HMCN2: variants seen among roughly 807,000 people sequenced by gnomAD.
HMCN2 encodes the protein hemicentin-2.
HMCN2 carries 325 observed loss-of-function variants against 377.5 expected under a neutral mutation model. The ratio of observed to expected loss-of-function variants is 0.86; its 90% CI spans 0.79 to 0.94. The LOEUF is 0.94. Among genes scored for constraint, HMCN2 ranks in the 40% least tolerant of loss-of-function variants. The pLI, the probability that HMCN2 is intolerant of heterozygous loss-of-function variation, is 0.00. For missense variants in HMCN2, 4,543 were observed against 4,725.3 expected (o/e 0.96, Z 1.13); for synonymous variants, 2,007 against 2,046.8 (o/e 0.98, Z 0.53).
At chr9:130,341,697 G>A (rs1166062534) in intron 24 of HMCN2, among the ~76,000 whole-genome samples, 1 of 152,148 alleles carries the variant, frequency 6.6e-6, no homozygotes, top group African/African-American at 2.4e-5. Context: ...ACCAGGGAGT[G>A]GCACTGGACC....
chr9:130,368,403 G>A lies in HMCN2; in HGVS notation c.6753G>A (p.Gly2251=), dbSNP rs368372779. The change falls in exon 44 of 98, where the codon GGG becomes GGA. Residue 2251 remains glycine, a synonymous_variant. Transcript: ENST00000683500. ...CCTGTGAATGCAGCAACGTGGTGGG[G>A]AACAGCAGCCAGGACCTGCAGCTGG... is the stretch of plus-strand genomic sequence containing the variant. ...TYTCECSNVV[G]NSSQDLQLEV... 1.0e-6 allele frequency: 1 copy of A among 986,278 alleles called. No individual in the cohort carries two copies. The highest frequency in any genetic ancestry group is 1.7e-5 in the African/African-American group (1 of 57,364). 61.1% of individuals were successfully genotyped at this position (986,278 alleles called of 1,614,324 possible).
At chr9:130,433,269 G>A in intron 97 of HMCN2, 79 bp from the exon 98 acceptor site, 5 of 1,141,074 alleles carry the variant, frequency 4.4e-6, no homozygotes, top group Non-Finnish European at 5.8e-6. Flanking sequence ...GGCTGGCAGG[G>A]AGGTCTGAGT....
Position 130,337,764 on chromosome 9 carries a change from G to A in HMCN2, c.3360-130G>A, listed in dbSNP as rs1354941092. 18 of 151,266 alleles carry A rather than the reference G, an allele frequency of 1.2e-4. 1 individual carries two copies. The highest frequency in any genetic ancestry group is 3.3e-4 in the Admixed American group (5 of 15,118). The allele number at this position is 151,266 out of a possible 1,614,324, so 9.4% of individuals were successfully genotyped here. A position where few individuals can be genotyped will look rare whatever the true frequency, so the allele number is the denominator to read the frequency against. On this transcript the variant is annotated intron_variant, in intron 22 of 97. Coordinates refer to ENST00000683500, the MANE Select transcript of HMCN2 (RefSeq NM_001291815.2). Reference sequence around the variant, plus strand: ...CAGGGAGGATGGAGGCGGGGGTGGGGGTAGATGGTGGGTGCTGGCTCATTC... The same window carrying A: ...CAGGGAGGATGGAGGCGGGGGTGGGAGTAGATGGTGGGTGCTGGCTCATTC...
At chr9:130,266,845 C>A (rs1273867155) in intron 1 of HMCN2, among the ~76,000 whole-genome samples, 1 of 152,206 alleles carries the variant, frequency 6.6e-6, no homozygotes, top group African/African-American at 2.4e-5. Context: ...TTAGGGGCGC[C>A]CTTGAAAGGG....
chr9:130,325,634 C>T lies in HMCN2; in HGVS notation c.2960C>T (p.Thr987Ile), dbSNP rs1838093047. 1 of 152,294 alleles carries T rather than the reference C, an allele frequency of 6.6e-6. No individual in the cohort carries two copies. Among genetic ancestry groups the T allele is most frequent in the South Asian group, 2.1e-4 (1 of 4,828 alleles). 9.4% of individuals were successfully genotyped at this position (152,294 alleles called of 1,614,324 possible). A position where few individuals can be genotyped will look rare whatever the true frequency, so the allele number is the denominator to read the frequency against. ...RIHPTATHHI[T>I]NEGVAASLPC... is the part of the protein sequence containing the mutation. Reference sequence around the variant, plus strand: ...CATCCCACTGCCACCCACCATATCACCAATGAAGGGGTTGCGGCCTCTCTT... The same window carrying T: ...CATCCCACTGCCACCCACCATATCATCAATGAAGGGGTTGCGGCCTCTCTT... The change falls in exon 20 of 98, where the codon ACC becomes ATC. Residue 987 changes from threonine (T) to isoleucine (I), a missense_variant. Transcript: ENST00000683500.
At chr9:130,299,667 C>A (rs1368521001) in intron 8 of HMCN2, among the ~76,000 whole-genome samples, 1 of 151,080 alleles carries the variant, frequency 6.6e-6, no homozygotes, top group Non-Finnish European at 1.5e-5. Context: ...ACTCATCCAC[C>A]CACCCATTCA....
chr9:130,353,856 C>T (rs950888836), intron 31 of HMCN2, among the ~76,000 whole-genome samples: 3 of 152,066 alleles, frequency 2.0e-5, no homozygotes, highest in Non-Finnish European at 4.4e-5. Flanking sequence ...AGCAGGGCCC[C>T]GGTGAAGTGT....
At chr9:130,326,960 G>A (rs904012743) in intron 21 of HMCN2, among the ~76,000 whole-genome samples, 1 of 152,174 alleles carries the variant, frequency 6.6e-6, no homozygotes, top group African/African-American at 2.4e-5. Flanking sequence ...GGTAGAGAGA[G>A]AGGAGGAGTT....
chr9:130,370,244 A>C (rs1840942767), intron 45 of HMCN2, among the ~76,000 whole-genome samples: 1 of 152,158 alleles, frequency 6.6e-6, no homozygotes, highest in South Asian at 2.1e-4. Context: ...GCAACCTCCC[A>C]GAGGAGGTGC....
chr9:130,272,074 A>G lies in HMCN2; in HGVS notation c.259+5937A>G, dbSNP rs116813721. ...ACTTTACTGTTTAGTTCCAGTATAC[A>G]TTTAAAGTGGTTTCAGAATTGTTGA... On this transcript the variant is annotated intron_variant, in intron 1 of 97. Coordinates refer to ENST00000683500, the MANE Select transcript of HMCN2 (RefSeq NM_001291815.2). 5.1e-3 allele frequency among the ~76,000 whole-genome samples: 761 copies of G among 149,176 alleles called. 20 individuals are homozygous for G. Among genetic ancestry groups the G allele is most frequent in the African/African-American group, 0.017 (719 of 41,322 alleles).
At chr9:130,426,113 C>T (rs1465289813) in intron 90 of HMCN2, among the ~76,000 whole-genome samples, 189 bp downstream of exon 90, 1 of 152,206 alleles carries the variant, frequency 6.6e-6, no homozygotes, top group African/African-American at 2.4e-5. Flanking sequence ...CCACCCCCCA[C>T]TCCTCACAGG....
At chr9:130,297,225 G>C (rs1453882942) in intron 7 of HMCN2, among the ~76,000 whole-genome samples, 1 of 152,208 alleles carries the variant, frequency 6.6e-6, no homozygotes, top group Non-Finnish European at 1.5e-5. Flanking sequence ...TTACCAAAAA[G>C]GAGAGCAGTG....
At position 130,431,364 on chromosome 9, in the gene HMCN2, C is replaced by G; in HGVS notation, c.14648-3C>G. ...ACCTGCCCCACCCCCATGCCCGGGCCAGACCTTGACGAGTGCCGCGTGAGG... is the reference window on the plus strand; with the variant it reads ...ACCTGCCCCACCCCCATGCCCGGGCGAGACCTTGACGAGTGCCGCGTGAGG... On this transcript the variant is annotated splice_polypyrimidine_tract_variant and splice_region_variant and intron_variant, in intron 95 of 97. Coordinates refer to ENST00000683500, the MANE Select transcript of HMCN2 (RefSeq NM_001291815.2). 6.5e-7 allele frequency: 1 copy of G among 1,549,498 alleles called. No homozygotes were observed. Among genetic ancestry groups the G allele is most frequent in the Non-Finnish European group, 8.7e-7 (1 of 1,146,616 alleles).
chr9:130,428,400 G>A lies in HMCN2; in HGVS notation c.14108G>A (p.Gly4703Glu), dbSNP rs1251744770. ...CAWDAHLCRE[G>E]QRCVNLLGSY... The stretch of plus-strand genomic sequence containing the variant: ...TGGGATGCTCACCTCTGCCGAGAGG[G>A]ACAGCGCTGTGTGAACCTGCTCGGG... Residue 4703 changes from glycine to glutamate, a missense_variant, in exon 93 of 98, where the codon GGA becomes GAA. Physicochemically the swap from Gly to Glu is moderately conservative, Grantham distance 98. Around this residue, in one of 5 missense-constraint regions of HMCN2, gnomAD observed 1,155 missense variants for 1,157.7 expected, o/e 1.00. Coordinates refer to ENST00000683500, the MANE Select transcript of HMCN2 (RefSeq NM_001291815.2). The surrounding 1 kb of genome is among the most constrained non-coding windows in gnomAD (Gnocchi z 5.0). 1.9e-6 allele frequency: 3 copies of A among 1,548,012 alleles called. No homozygotes were observed. Among genetic ancestry groups the A allele is most frequent in the Non-Finnish European group, 2.6e-6 (3 of 1,146,938 alleles).
rs1305347568 is a variant in HMCN2 at position 130,358,387 on chromosome 9, C to G, written c.5581-3C>G. 1 of 1,304,148 alleles carries G rather than the reference C, an allele frequency of 7.7e-7. No homozygotes were observed. The highest frequency in any genetic ancestry group is 1.0e-6 in the Non-Finnish European group (1 of 988,924). 80.8% of individuals were successfully genotyped at this position (1,304,148 alleles called of 1,614,324 possible). A position where few individuals can be genotyped will look rare whatever the true frequency, so the allele number is the denominator to read the frequency against. On this transcript the variant is annotated splice_region_variant and splice_polypyrimidine_tract_variant and intron_variant, in intron 35 of 97. Coordinates refer to ENST00000683500, the MANE Select transcript of HMCN2 (RefSeq NM_001291815.2). Reference sequence around the variant, plus strand: ...GGCATACTCTCTGCCCCCTCCCCTCCAGATTGAGAAGGTGGACCTGAGGGA... The same window carrying G: ...GGCATACTCTCTGCCCCCTCCCCTCGAGATTGAGAAGGTGGACCTGAGGGA...
In HMCN2 at chr9:130,391,269, C is replaced by A. The variant is rs576775940; in HGVS notation, c.9733C>A (p.Arg3245=). 5 of 987,596 alleles carry A rather than the reference C, an allele frequency of 5.1e-6. No homozygotes were observed. Among genetic ancestry groups the A allele is most frequent in the African/African-American group, 1.7e-5 (1 of 57,310 alleles). The allele number at this position is 987,596 out of a possible 1,614,324, so 61.2% of individuals were successfully genotyped here. ...EHHVLEGQEV[R]LDCEADGQPP... ...CCATGTCTTGGAAGGGCAGGAGGTGCGGCTGGACTGTGAGGCCGATGGGCA... is the reference window on the plus strand; with the variant it reads ...CCATGTCTTGGAAGGGCAGGAGGTGAGGCTGGACTGTGAGGCCGATGGGCA... Residue 3245 remains arginine (R), a synonymous_variant, in exon 64 of 98, where the codon CGG becomes AGG. Transcript: ENST00000683500.
chr9:130,268,119 T>C (rs1388918685), intron 1 of HMCN2, among the ~76,000 whole-genome samples: 2 of 152,160 alleles, frequency 1.3e-5, no homozygotes, highest in Non-Finnish European at 2.9e-5. Flanking sequence ...CCCAGCAGGA[T>C]AGCAGCCTTT....
Position 130,349,658 on chromosome 9 carries a change from C to T in HMCN2, c.4425C>T (p.Asp1475=), listed in dbSNP as rs1398392029. Residue 1475 remains aspartate, a synonymous_variant, in exon 29 of 98, where the codon GAC becomes GAT. Transcript: ENST00000683500. ...CGCCCCAGGTGGAGTGGACCAAGGA[C>T]AGGCAGTGAGTGCCCCCCTCCCCGA... ...VPTPQVEWTK[D]RQPVLPGGPH... is the part of the protein sequence containing the mutation. 2 of 1,303,130 alleles carry T rather than the reference C, an allele frequency of 1.5e-6. No homozygotes were observed. The highest frequency in any genetic ancestry group is 1.2e-5 in the South Asian group (1 of 80,916). The allele number at this position is 1,303,130 out of a possible 1,614,324, so 80.7% of individuals were successfully genotyped here.
rs925450407 is a variant in HMCN2 at position 130,332,596 on chromosome 9, G to A, written c.3359+5121G>A. Among the ~76,000 whole-genome samples the A allele has an allele frequency of 4.6e-3, 699 of 152,348 alleles. 11 individuals are homozygous for A. The highest frequency in any genetic ancestry group is 0.016 in the African/African-American group (648 of 41,588). ...CTTACGCTCTCCGGGCTCGTGCGAT[G>A]GCGCTGGCTCCGTCTCCCCCTACCT... On this transcript the variant is annotated intron_variant, in intron 22 of 97. Coordinates refer to ENST00000683500, the MANE Select transcript of HMCN2 (RefSeq NM_001291815.2).
Sources: allele counts gnomAD v4.1 joint callset (sites outside exome capture counted in the v4.1 genomes callset), GRCh38; gene constraint gnomAD v4.1.1; regional missense constraint gnomAD v4.1.1; non-coding constraint Gnocchi (gnomAD v3.1); transcripts MANE v1.5; gene names NCBI Gene and HGNC (gene_info 2026-07-23, HGNC 2026-07-21).